CD101: variants seen among roughly 807,000 people sequenced by gnomAD.
CD101 encodes immunoglobulin superfamily member 2.
A neutral mutation model predicts 98.2 loss-of-function variants in CD101; 76 were observed. The observed-to-expected ratio is 0.77, with a 90% CI of 0.64 to 0.94. The LOEUF is 0.94. Ranked by LOEUF, CD101 falls within the 40% of genes least tolerant of loss-of-function variation. CD101 has a pLI of 0.00. For synonymous variants in CD101, 471 were observed against 472.7 expected, an observed-to-expected ratio of 1.00 and a Z score of 0.05; for missense variants, 1,145 against 1,218.8, an observed-to-expected ratio of 0.94 and a Z score of 0.90.
intron 4 of CD101, among the ~76,000 whole-genome samples, chr1:117,015,705 C>T (rs1291116623): frequency 6.6e-6 from 1 of 152,210 alleles, no homozygotes; most frequent in Admixed American, 6.5e-5. Flanking sequence ...TATCATTAAA[C>T]ACTAATGCTA....
chr1:117,035,229 G>A lies in CD101; in HGVS notation c.*34-939G>A, dbSNP rs578137490. Reference sequence around the variant, plus strand: ...CAATCAGTGCCACCTAAAGACTTGAGAAAACACATCTATTTATTATCTATG... The same window carrying A: ...CAATCAGTGCCACCTAAAGACTTGAAAAAACACATCTATTTATTATCTATG... On this transcript the variant is annotated intron_variant, in intron 9 of 9. Coordinates refer to ENST00000682167, the MANE Select transcript of CD101 (RefSeq NM_001256106.3). 3.9e-5 allele frequency among the ~76,000 whole-genome samples: 6 copies of A among 152,288 alleles called. No homozygotes were observed. The South Asian group carries it at 8.3e-4, about 21-fold the overall frequency.
In CD101 at chr1:117,025,495, A is replaced by G. The variant is rs920364578; in HGVS notation, c.2429-14A>G. Reference sequence around the variant, plus strand: ...AGTCTGCATTCTCTAATTTACTGCCATTTTATTTTCTAGGAAGTAAGGTAC... The same window carrying G: ...AGTCTGCATTCTCTAATTTACTGCCGTTTTATTTTCTAGGAAGTAAGGTAC... On this transcript the variant is annotated splice_polypyrimidine_tract_variant and intron_variant, in intron 7 of 9. Transcript: ENST00000682167. The G allele has an allele frequency of 6.6e-7, 1 of 1,513,472 alleles. No homozygotes were observed. The highest frequency in any genetic ancestry group is 1.8e-4 in the Middle Eastern group (1 of 5,628). 93.8% of individuals were successfully genotyped at this position (1,513,472 alleles called of 1,614,324 possible).
chr1:117,029,274 A>G (rs1334900490), intron 8 of CD101, among the ~76,000 whole-genome samples: 2 of 141,724 alleles, frequency 1.4e-5, no homozygotes, highest in Admixed American at 7.1e-5. Flanking sequence ...AGAAAGAAAG[A>G]GTAGATACGG....
At chr1:117,009,434 CTACTTCTCT>C (rs1485724986) in intron 1 of CD101, among the ~76,000 whole-genome samples, 2 of 152,274 alleles carry the variant, frequency 1.3e-5, no homozygotes, top group Non-Finnish European at 1.5e-5. Flanking sequence ...TCTCCAGCAA[CTACTTCTCT>C]GGGAACTGCC....
rs1282590730 is a variant in CD101, at chr1:117,022,348, G to A, written c.2428+365G>A. ...TAATTTGGCAGAGAAAGAGTAATAC[G>A]AAGCATATTTCTCCCACTGTGAACA... On this transcript the variant is annotated intron_variant, in intron 7 of 9. Transcript: ENST00000682167. The surrounding 1 kb of genome is among the most constrained non-coding windows in gnomAD (Gnocchi z 4.8). Among the ~76,000 whole-genome samples the A allele has an allele frequency of 3.3e-5, 5 of 152,128 alleles. No homozygotes were observed. In the South Asian group the frequency reaches 6.2e-4, roughly 19 times the overall value.
intron 6 of CD101, among the ~76,000 whole-genome samples, chr1:117,020,501 G>T (rs1437216840): frequency 6.6e-6 from 1 of 152,196 alleles, no homozygotes; most frequent in African/African-American, 2.4e-5. Context: ...CCAAGATCAT[G>T]CCACTGCACT....
chr1:117,008,676 C>T (rs527300423), intron 1 of CD101, among the ~76,000 whole-genome samples: 1 of 152,294 alleles, frequency 6.6e-6, no homozygotes, highest in Non-Finnish European at 1.5e-5. Context: ...GATTCCTATA[C>T]TCAGCCTTAT....
chr1:117,017,807 A>G (rs570069499), intron 5 of CD101, among the ~76,000 whole-genome samples: 10 of 152,314 alleles, frequency 6.6e-5, no homozygotes, highest in African/African-American at 2.4e-4. Context: ...CATGTGCAAA[A>G]GGGTTCTGAT....
chr1:117,029,205 AAAG>A (rs1654211665), intron 8 of CD101, among the ~76,000 whole-genome samples: 1 of 66,034 alleles, frequency 1.5e-5, no homozygotes, highest in South Asian at 5.2e-4. Context: ...GAAAGAAAGA[AAAG>A]AAAGAAAAGA....
At position 117,017,257 on chromosome 1, in the gene CD101, G is replaced by T. The variant is rs1179769659; in HGVS notation, c.1396G>T (p.Asp466Tyr). 1 of 1,614,212 alleles carries T rather than the reference G, an allele frequency of 6.2e-7. No homozygotes were observed. Among genetic ancestry groups the T allele is most frequent in the Non-Finnish European group, 8.5e-7 (1 of 1,180,040 alleles). The change falls in exon 5 of 10, where the codon GAT (aspartate) becomes TAT (tyrosine). Residue 466 changes from aspartate to tyrosine, a missense_variant. Coordinates refer to ENST00000682167, the MANE Select transcript of CD101 (RefSeq NM_001256106.3). Reference protein sequence around the residue: ...QPEFVAGMGQDGIVQLGASYG... With the variant: ...QPEFVAGMGQYGIVQLGASYG... The stretch of plus-strand genomic sequence containing the variant: ...CGAGTTTGTGGCTGGCATGGGGCAG[G>T]ATGGCATTGTGCAGCTGGGTGCCTC...
intron 9 of CD101, among the ~76,000 whole-genome samples, chr1:117,034,987 T>A (rs193103441): frequency 4.6e-5 from 7 of 152,306 alleles, no homozygotes; most frequent in African/African-American, 1.7e-4. Context: ...GGGTTGACAG[T>A]GCCACCGTTC....
chr1:117,031,454 A>G (rs535346339), intron 8 of CD101, among the ~76,000 whole-genome samples: 7 of 152,344 alleles, frequency 4.6e-5, no homozygotes, highest in African/African-American at 1.7e-4. Flanking sequence ...GGGCCTCCTA[A>G]GTAATCATTT....
intron 6 of CD101, among the ~76,000 whole-genome samples, chr1:117,020,327 T>G (rs1653502906): frequency 6.6e-6 from 1 of 152,140 alleles, no homozygotes; most frequent in Admixed American, 6.5e-5. Context: ...GCAGATCACC[T>G]GAAGTCAGGA....
In CD101 at chr1:117,019,505, T is replaced by C. The variant is rs1326068802; in HGVS notation, c.2017+945T>C. 6.6e-6 allele frequency among the ~76,000 whole-genome samples: 1 copy of C among 152,208 alleles called. No individual in the cohort carries two copies. ...ATCTGTCTTCTTGAAACTTCTTTTT[T>C]CCTTGGCACCATGACACAAGATTTT... On this transcript the variant is annotated intron_variant, in intron 6 of 9. Transcript: ENST00000682167. The surrounding 1 kb of genome is among the most constrained non-coding windows in gnomAD (Gnocchi z 4.3).
At chr1:117,030,395 C>G (rs2101162133) in intron 8 of CD101, among the ~76,000 whole-genome samples, 1 of 133,814 alleles carries the variant, frequency 7.5e-6, no homozygotes, top group Non-Finnish European at 1.6e-5. Context: ...AACAAACAAA[C>G]AAACAAACAA....
intron 8 of CD101, among the ~76,000 whole-genome samples, chr1:117,031,284 T>C (rs1281104488): frequency 2.6e-5 from 4 of 152,202 alleles, no homozygotes; most frequent in Admixed American, 2.6e-4. Context: ...CCTCTGGCTG[T>C]TCCTTCATGC....
chr1:117,020,320 G>A (rs1653502288), intron 6 of CD101, among the ~76,000 whole-genome samples: 1 of 152,166 alleles, frequency 6.6e-6, no homozygotes, highest in African/African-American at 2.4e-5. Flanking sequence ...AAGGCGGGCA[G>A]ATCACCTGAA....
chr1:117,022,186 G>A lies in CD101; in HGVS notation c.2428+203G>A, dbSNP rs1039865753. ...TAAGGCAATCCAATCTGAGGTTTTG[G>A]GGAGCTGAGGTAGGAGCAATATCCC... On this transcript the variant is annotated intron_variant, in intron 7 of 9. Transcript: ENST00000682167. The surrounding 1 kb of genome is among the most constrained non-coding windows in gnomAD (Gnocchi z 4.8). 6.6e-6 allele frequency among the ~76,000 whole-genome samples: 1 copy of A among 152,168 alleles called. No individual in the cohort carries two copies. The highest frequency in any genetic ancestry group is 1.5e-5 in the Non-Finnish European group (1 of 68,022).
chr1:117,031,235 C>T (rs992144702), intron 8 of CD101, among the ~76,000 whole-genome samples: 1 of 152,164 alleles, frequency 6.6e-6, no homozygotes, highest in African/African-American at 2.4e-5. Context: ...GCAGATTGCA[C>T]TAAGCTGGGC....
Sources: gnomAD v4.1 joint callset for allele counts (sites outside exome capture counted in the v4.1 genomes callset) on GRCh38, gnomAD v4.1.1 for gene constraint, Gnocchi (gnomAD v3.1) non-coding constraint, MANE v1.5 for transcripts, NCBI Gene and HGNC (gene_info 2026-07-23, HGNC 2026-07-21) for gene names.